Variants in EDRF1 observed in about 807,000 individuals in gnomAD.
EDRF1 encodes the protein erythroid differentiation regulatory factor 1.
Under a neutral mutation model 148.7 loss-of-function variants are expected in EDRF1, and 69 were observed. The observed-to-expected ratio is 0.46, with a 90% CI of 0.38 to 0.57. The LOEUF (loss-of-function observed/expected upper bound fraction) is 0.57, where lower values mean the gene tolerates loss of function less well. EDRF1 is among the 20% of genes least tolerant of loss of function. The probability of loss-of-function intolerance (pLI) is 0.00; values close to 1 mark genes in which losing one functional copy is unlikely to be tolerated. For missense variants in EDRF1, 1,118 were observed against 1,478.7 expected (o/e 0.76, Z 4.00); for synonymous variants, 515 against 532.8 (o/e 0.97, Z 0.46).
rs768379204 is a variant in EDRF1 at position 125,723,912 on chromosome 10, A to G, written c.486A>G (p.Gln162=). 2.5e-6 allele frequency: 4 copies of G among 1,613,578 alleles called. No homozygotes were observed. The highest frequency in any genetic ancestry group is 2.2e-5 in the South Asian group (2 of 91,080). ...RTLLLDELDI[Q]ELFMRSSQTG... is the part of the protein sequence containing the mutation. The stretch of plus-strand genomic sequence containing the variant: ...TCTTACTAGATGAGCTAGATATTCA[A>G]GAACTCTTTATGAGATCGTCTCAGG... Residue 162 remains glutamine, a synonymous_variant, in exon 4 of 25, where the codon CAA becomes CAG. Transcript: ENST00000356792.
chr10:125,753,766 C>T lies in EDRF1; in HGVS notation c.3466C>T (p.Leu1156Phe), dbSNP rs1322896526. The change falls in exon 24 of 25, where the codon CTC becomes TTC. Residue 1156 changes from leucine (L) to phenylalanine (F), a missense_variant. This residue lies in a region of EDRF1 where 954 missense variants were observed against 1,241.4 expected (regional missense o/e 0.77). Transcript: ENST00000356792. ...SLNREEVMKL[L>F]SIFESRLSFL... ...CAATCGAGAAGAAGTGATGAAACTC[C>T]TCAGTATATTTGAGTCTCGGTTGTC... is the stretch of plus-strand genomic sequence containing the variant. 6.2e-6 allele frequency: 10 copies of T among 1,613,964 alleles called. No individual in the cohort carries two copies. Among genetic ancestry groups the T allele is most frequent in the Non-Finnish European group, 8.5e-6 (10 of 1,179,992 alleles).
At position 125,752,674 on chromosome 10, in the gene EDRF1, A is replaced by C. The variant is rs917186711; in HGVS notation, c.3278-125A>C. ...ATTAAATAGAAGTTGGATTTAGAAG[A>C]TTTAAGATTCTCATTAGCTTCCTTT... On this transcript the variant is annotated intron_variant, in intron 22 of 24. Transcript: ENST00000356792. 1.3e-5 allele frequency: 9 copies of C among 668,316 alleles called. No individual in the cohort carries two copies. In the African/African-American group the frequency reaches 1.5e-4, roughly 11 times the overall value. 41.4% of individuals were successfully genotyped at this position (668,316 alleles called of 1,614,324 possible).
rs908168358 is a variant in EDRF1 at position 125,740,405 on chromosome 10, G to A, written c.1982-58G>A. ...TCAAGAAACAGAAAATATTTTTTGT[G>A]CATGAGACTTACAGTCAAATGAAAT... On this transcript the variant is annotated intron_variant, in intron 15 of 24. Coordinates refer to ENST00000356792, the MANE Select transcript of EDRF1 (RefSeq NM_001202438.2). The A allele has an allele frequency of 1.3e-5, 20 of 1,549,790 alleles. No homozygotes were observed. The African/African-American group carries it at 2.2e-4, about 17-fold the overall frequency.
chr10:125,729,655 T>G (rs1232215335), intron 8 of EDRF1, among the ~76,000 whole-genome samples, 176 bp downstream of exon 8: 2 of 152,210 alleles, frequency 1.3e-5, no homozygotes, highest in African/African-American at 4.8e-5. Context: ...TTTGGGCATC[T>G]TCCTCTTTCT....
chr10:125,747,855 A>C lies in EDRF1; in HGVS notation c.2974-8A>C, dbSNP rs1564748400. The C allele has an allele frequency of 6.2e-7, 1 of 1,614,188 alleles. No individual in the cohort carries two copies. The highest frequency in any genetic ancestry group is 1.7e-5 in the Admixed American group (1 of 60,028). ...TTATTTTTTTCTTCCCCCTCAAAAC[A>C]AGAACAGATTGAGAAAGAAGTCAGT... On this transcript the variant is annotated splice_region_variant and splice_polypyrimidine_tract_variant and intron_variant, in intron 20 of 24. Transcript: ENST00000356792.
At chr10:125,730,762 T>C (rs185507324) in intron 9 of EDRF1, among the ~76,000 whole-genome samples, 4 of 152,286 alleles carry the variant, frequency 2.6e-5, no homozygotes, top group Admixed American at 1.3e-4. Flanking sequence ...TAGGGAAAGG[T>C]CTTGTAAAAA....
In EDRF1 at chr10:125,763,402, T is replaced by A. The variant is rs1195143604; in HGVS notation, c.3647T>A (p.Ile1216Asn). 2 of 1,612,426 alleles carry A rather than the reference T, an allele frequency of 1.2e-6. No individual in the cohort carries two copies. The highest frequency in any genetic ancestry group is 1.7e-6 in the Non-Finnish European group (2 of 1,180,042). ...AAAACCGCGACTCTTCTGGAAAGAA[T>A]CAACGTTATCGTCCACCTGCTGGGC... is the stretch of plus-strand genomic sequence containing the variant. ...ANKTATLLERINVIVHLLGQL... is the reference protein window; with the variant it reads ...ANKTATLLERNNVIVHLLGQL... Residue 1216 changes from isoleucine (I) to asparagine (N), a missense_variant, in exon 25 of 25, where the codon ATC (isoleucine) becomes AAC (asparagine). Coordinates refer to ENST00000356792, the MANE Select transcript of EDRF1 (RefSeq NM_001202438.2). This position sits in a 1 kb window ranked among gnomAD's most constrained non-coding sequence, Gnocchi z 4.3.
At chr10:125,740,925 G>C (rs913967220) in intron 16 of EDRF1, 76 bp from the exon 17 acceptor site, 1 of 1,463,826 alleles carries the variant, frequency 6.8e-7, no homozygotes, top group Admixed American at 1.7e-5. Flanking sequence ...TGGTAACACA[G>C]TTTCTTCATA....
In EDRF1 at chr10:125,722,984, A is replaced by G. The variant is rs1277936224; in HGVS notation, c.318-84A>G. On this transcript the variant is annotated intron_variant, in intron 2 of 24. Coordinates refer to ENST00000356792, the MANE Select transcript of EDRF1 (RefSeq NM_001202438.2). ...GTGGAAAATGTGTATCCTAGAAGCA[A>G]TGAGCTACAGTATTGTTATTAAGCT... is the stretch of plus-strand genomic sequence containing the variant. 13 of 1,079,440 alleles carry G rather than the reference A, an allele frequency of 1.2e-5. 1 individual carries two copies. Among genetic ancestry groups the G allele is most frequent in the South Asian group, 5.0e-5 (4 of 80,284 alleles). The allele number at this position is 1,079,440 out of a possible 1,614,324, so 66.9% of individuals were successfully genotyped here.
chr10:125,726,731 A>G (rs1340193701), intron 6 of EDRF1, among the ~76,000 whole-genome samples: 1 of 152,246 alleles, frequency 6.6e-6, no homozygotes, highest in East Asian at 1.9e-4. Context: ...TCCATAATGA[A>G]TTTAAATTTC....
chr10:125,729,273 C>T, intron 7 of EDRF1, 85 bp from the exon 8 acceptor site: 1 of 1,553,748 alleles, frequency 6.4e-7, no homozygotes, highest in South Asian at 1.1e-5. Flanking sequence ...TTCTTTGTCT[C>T]TTCCTTTTTC....
chr10:125,750,987 C>G lies in EDRF1; in HGVS notation c.3277+1422C>G, dbSNP rs191707603. Reference sequence around the variant, plus strand: ...TTGTTTTGTTTGAGACAGAGTTTTACCCTGTCACATGGGCTGGAGTGCAGT... The same window carrying G: ...TTGTTTTGTTTGAGACAGAGTTTTAGCCTGTCACATGGGCTGGAGTGCAGT... On this transcript the variant is annotated intron_variant, in intron 22 of 24. Coordinates refer to ENST00000356792, the MANE Select transcript of EDRF1 (RefSeq NM_001202438.2). 2.2e-4 allele frequency among the ~76,000 whole-genome samples: 33 copies of G among 152,130 alleles called. 1 individual carries two copies. The East Asian group carries it at 4.6e-3, about 21-fold the overall frequency.
intron 21 of EDRF1, 150 bp downstream of exon 21, chr10:125,748,162 T>C: frequency 1.1e-6 from 1 of 897,002 alleles, no homozygotes; most frequent in South Asian, 1.4e-5. Flanking sequence ...TGTGCCTTTT[T>C]TTGTGCTGTG....
chr10:125,749,413 T>C lies in EDRF1; in HGVS notation c.3125T>C (p.Val1042Ala). The C allele has an allele frequency of 1.2e-6, 2 of 1,614,206 alleles. No homozygotes were observed. The highest frequency in any genetic ancestry group is 1.3e-5 in the African/African-American group (1 of 75,046). Residue 1042 changes from valine (V) to alanine (A), a missense_variant and splice_region_variant, in exon 22 of 25, where the codon GTT becomes GCT. Coordinates refer to ENST00000356792, the MANE Select transcript of EDRF1 (RefSeq NM_001202438.2). ...SMYHSCLRNQVGDEHLRKQHR... is the reference protein window; with the variant it reads ...SMYHSCLRNQAGDEHLRKQHR... ...TTGCTTGTTTTGGTTTGGTTCTAGG[T>C]TGGTGATGAACACCTTAGGAAACAA...
Position 125,725,302 on chromosome 10 carries a change from A to G in EDRF1, c.511-16A>G. On this transcript the variant is annotated splice_polypyrimidine_tract_variant and intron_variant, in intron 4 of 24. Coordinates refer to ENST00000356792, the MANE Select transcript of EDRF1 (RefSeq NM_001202438.2). Reference sequence around the variant, plus strand: ...TATGTGTGTTGTATTAATAATATGTATCTCATGTTATCCAGACTGGTGACT... The same window carrying G: ...TATGTGTGTTGTATTAATAATATGTGTCTCATGTTATCCAGACTGGTGACT... 1 of 1,613,698 alleles carries G rather than the reference A, an allele frequency of 6.2e-7. No individual in the cohort carries two copies. The highest frequency in any genetic ancestry group is 1.1e-5 in the South Asian group (1 of 91,064).
intron 17 of EDRF1, chr10:125,742,340 C>G: frequency 1.6e-6 from 2 of 1,258,306 alleles, no homozygotes; most frequent in Non-Finnish European, 2.1e-6. Flanking sequence ...GATGAGTCTT[C>G]TGAAGGTGCT....
intron 4 of EDRF1, 113 bp from the exon 5 acceptor site, chr10:125,725,205 G>A (rs1848197895): frequency 8.1e-7 from 1 of 1,233,214 alleles, no homozygotes; most frequent in East Asian, 2.4e-5. Context: ...TAATGAGTAT[G>A]TGTTTATGAA....
intron 24 of EDRF1, among the ~76,000 whole-genome samples, chr10:125,759,436 C>T (rs971055090): frequency 4.6e-5 from 7 of 152,170 alleles, no homozygotes; most frequent in Middle Eastern, 3.4e-3. Flanking sequence ...AGACTTTTTC[C>T]GGTTCTGCAC....
intron 9 of EDRF1, among the ~76,000 whole-genome samples, chr10:125,732,880 T>TC (rs1848541131): frequency 6.6e-6 from 1 of 152,012 alleles, no homozygotes; most frequent in Non-Finnish European, 1.5e-5. Context: ...CCACCTCCAT[T>TC]CCCCCCTGCT....
Sources: gnomAD v4.1 joint callset for allele counts (sites outside exome capture counted in the v4.1 genomes callset) on GRCh38, gnomAD v4.1.1 for gene constraint, gnomAD v4.1.1 regional missense constraint, Gnocchi (gnomAD v3.1) non-coding constraint, MANE v1.5 for transcripts, NCBI Gene and HGNC (gene_info 2026-07-23, HGNC 2026-07-21) for gene names.